The following MAGI2 variants were observed in gnomAD, a reference collection of about 807,000 sequenced individuals.
The protein encoded by MAGI2 is membrane associated guanylate kinase, WW and PDZ domain containing 2.
A neutral mutation model predicts 133.3 loss-of-function variants in MAGI2; 35 were observed. That is an observed-to-expected ratio of 0.26 (90% CI 0.20 to 0.35). The LOEUF (loss-of-function observed/expected upper bound fraction) is 0.35, where lower values mean the gene tolerates loss of function less well. Ranked by LOEUF, MAGI2 falls within the 10% of genes least tolerant of loss-of-function variation. MAGI2 has a pLI of 1.00. For synonymous variants in MAGI2, 729 were observed against 710.6 expected (o/e 1.03, Z -0.41); for missense variants, 1,636 against 1,863.4 (o/e 0.88, Z 2.25).
chr7:78,577,121 A>AT (rs924682616), intron 3 of MAGI2, among the ~76,000 whole-genome samples: 2 of 152,208 alleles, frequency 1.3e-5, no homozygotes, highest in Non-Finnish European at 2.9e-5. Context: ...GAAAAAGGAT[A>AT]TTTTTTGTGT....
intron 1 of MAGI2, among the ~76,000 whole-genome samples, chr7:79,232,062 T>C (rs1428375497): frequency 1.3e-5 from 2 of 152,268 alleles, no homozygotes; most frequent in African/African-American, 2.4e-5. Flanking sequence ...ATGTGGTTTT[T>C]GTCTTTGGCT....
At chr7:79,389,029 G>A (rs1250920141) in intron 1 of MAGI2, among the ~76,000 whole-genome samples, 2 of 151,806 alleles carry the variant, frequency 1.3e-5, no homozygotes, top group Non-Finnish European at 2.9e-5. Context: ...TGGAGAAAGA[G>A]TTTTTATAAA....
At chr7:78,649,340 T>C (rs775328741) in intron 2 of MAGI2, among the ~76,000 whole-genome samples, 1 of 151,612 alleles carries the variant, frequency 6.6e-6, no homozygotes, top group Admixed American at 6.6e-5. Context: ...AGTATTTACA[T>C]GTTAGGAGAC....
In MAGI2 at chr7:78,345,720, T is replaced by C. The variant is rs575061901; in HGVS notation, c.1225+202A>G. On this transcript the variant is annotated intron_variant, in intron 8 of 21. Coordinates refer to ENST00000354212, the MANE Select transcript of MAGI2 (RefSeq NM_012301.4). ...CATGCTGTACATTCCTATAAAGTAC[T>C]GCCTGTGGCTATAACTTCATCTGCG... 23 of 646,998 alleles carry C rather than the reference T, an allele frequency of 3.6e-5. No individual in the cohort carries two copies. In the East Asian group the frequency reaches 6.3e-4, roughly 18 times the overall value. The allele number at this position is 646,998 out of a possible 1,614,324, so 40.1% of individuals were successfully genotyped here. A position where few individuals can be genotyped will look rare whatever the true frequency, so the allele number is the denominator to read the frequency against.
In MAGI2 at chr7:78,461,393, C is replaced by CGTGTGTGTGTGTGTGTGTGTGTGTGT. The variant is rs10654835; in HGVS notation, c.1045+28342_1045+28367dup. 9.4e-5 allele frequency among the ~76,000 whole-genome samples: 13 copies of CGTGTGTGTGTGTGTGTGTGTGTGTGT among 138,106 alleles called. 1 individual carries two copies. In the South Asian group the frequency reaches 1.2e-3, roughly 13 times the overall value. The allele number at this position is 138,106 out of a possible 152,430, so 90.6% of individuals were successfully genotyped here. ...ATAGATTCCTGGACACGTGTGTGTG[C>CGTGTGTGTGTGTGTGTGTGTGTGTGT]GTGTGTGTGTGTGTGTGTGTGTGTG... is the stretch of plus-strand genomic sequence containing the variant. On this transcript the variant is annotated intron_variant, in intron 6 of 21. Coordinates refer to ENST00000354212, the MANE Select transcript of MAGI2 (RefSeq NM_012301.4).
Position 78,920,655 on chromosome 7 carries a change from T to C in MAGI2, c.418+86435A>G, listed in dbSNP as rs375471503. ...ACATTCATTATGGTCTTATTTTATA[T>C]CCTCCAAGCTAATTTTTTCCTATCT... is the stretch of plus-strand genomic sequence containing the variant. On this transcript the variant is annotated intron_variant, in intron 2 of 21. Transcript: ENST00000354212. Among the ~76,000 whole-genome samples the C allele has an allele frequency of 2.9e-4, 44 of 152,262 alleles. No homozygotes were observed. In the South Asian group the frequency reaches 5.8e-3, roughly 20 times the overall value.
At chr7:79,075,951 T>A (rs1815425051) in intron 1 of MAGI2, among the ~76,000 whole-genome samples, 2 of 152,150 alleles carry the variant, frequency 1.3e-5, no homozygotes, top group South Asian at 4.2e-4. Context: ...TATGATACTT[T>A]AAAAAAAATC....
At chr7:78,271,510 G>T (rs1584654750) in intron 9 of MAGI2, among the ~76,000 whole-genome samples, 1 of 152,020 alleles carries the variant, frequency 6.6e-6, no homozygotes, top group South Asian at 2.1e-4. Flanking sequence ...TGTTGTTTGG[G>T]ATAGTTTCAG....
At chr7:78,606,565 C>T (rs1438912482) in intron 3 of MAGI2, among the ~76,000 whole-genome samples, 1 of 151,984 alleles carries the variant, frequency 6.6e-6, no homozygotes. Flanking sequence ...TCCTTGTGTG[C>T]TAGTTTTTGG....
chr7:78,484,310 A>G (rs1041897631), intron 6 of MAGI2: 5 of 151,962 alleles, frequency 3.3e-5, no homozygotes, highest in Non-Finnish European at 7.4e-5. Flanking sequence ...GTTCATGCAC[A>G]TTTTGGACAC....
At chr7:78,202,105 T>C (rs1829306494) in intron 10 of MAGI2, among the ~76,000 whole-genome samples, 1 of 152,184 alleles carries the variant, frequency 6.6e-6, no homozygotes, top group African/African-American at 2.4e-5. Flanking sequence ...ATCTTCCTTC[T>C]TTCAACAATT....
intron 6 of MAGI2, among the ~76,000 whole-genome samples, chr7:78,488,098 G>A (rs1159426679): frequency 6.6e-6 from 1 of 151,918 alleles, no homozygotes; most frequent in Non-Finnish European, 1.5e-5. Context: ...ATAGAGTCTA[G>A]GAATTATTTA....
At position 78,255,966 on chromosome 7, in the gene MAGI2, GT is replaced by G; in HGVS notation, c.2023del (p.Thr675LeufsTer3). ...ACCTCCTCGATGGATAATCAAAGAA[GT>G]TTCACTTCCAATGGGACAGTCCTTA... ...ILKDCPIGSE[T>X]SLIIHRGGFF... On this transcript the variant is annotated frameshift_variant, in exon 10 of 22. Transcript: ENST00000354212. LOFTEE classifies it high-confidence loss of function. 6.2e-7 allele frequency: 1 copy of G among 1,613,784 alleles called. No homozygotes were observed. The highest frequency in any genetic ancestry group is 8.5e-7 in the Non-Finnish European group (1 of 1,179,924).
At chr7:78,307,607 A>G (rs2151087581) in intron 9 of MAGI2, among the ~76,000 whole-genome samples, 1 of 152,334 alleles carries the variant, frequency 6.6e-6, no homozygotes, top group East Asian at 1.9e-4. Context: ...AGATGAGGTC[A>G]GGAAGGTAAC....
chr7:79,259,904 G>A (rs1036131002), intron 1 of MAGI2, among the ~76,000 whole-genome samples: 16 of 152,030 alleles, frequency 1.1e-4, no homozygotes, highest in African/African-American at 3.1e-4. Flanking sequence ...AGAGCTGCAG[G>A]GCACTTTATA....
chr7:78,667,448 G>C (rs909718546), intron 2 of MAGI2, among the ~76,000 whole-genome samples: 1 of 150,490 alleles, frequency 6.6e-6, no homozygotes, highest in Non-Finnish European at 1.5e-5. Flanking sequence ...GTGCAAGTTA[G>C]TTACATATGT....
chr7:79,378,932 A>G (rs202020676), intron 1 of MAGI2, among the ~76,000 whole-genome samples: 4 of 29,990 alleles, frequency 1.3e-4, no homozygotes, highest in African/African-American at 4.5e-4. Context: ...GTGTGTATAT[A>G]TATATATATA....
chr7:78,957,151 C>A (rs189169453), intron 2 of MAGI2, among the ~76,000 whole-genome samples: 53 of 150,862 alleles, frequency 3.5e-4, no homozygotes, highest in Non-Finnish European at 6.3e-4. Context: ...GTAGTCCCAG[C>A]TACTTCGGGA....
intron 1 of MAGI2, among the ~76,000 whole-genome samples, chr7:79,183,617 G>T (rs145335901): frequency 4.0e-5 from 6 of 151,716 alleles, no homozygotes; most frequent in South Asian, 2.1e-4. Context: ...TGAAGAACCT[G>T]CCCATTATTA....
Sources: gnomAD v4.1 joint callset for allele counts (sites outside exome capture counted in the v4.1 genomes callset) on GRCh38, gnomAD v4.1.1 for gene constraint, MANE v1.5 for transcripts, NCBI Gene and HGNC (gene_info 2026-07-23, HGNC 2026-07-21) for gene names.